ZNF644: variants seen among roughly 807,000 people sequenced by gnomAD.
The protein encoded by ZNF644 is zinc finger motif enhancer binding protein 2.
ZNF644 carries 20 observed loss-of-function variants against 108.0 expected under a neutral mutation model. The ratio of observed to expected loss-of-function variants is 0.19; its 90% CI spans 0.13 to 0.27. The LOEUF (loss-of-function observed/expected upper bound fraction) is 0.27, where lower values mean the gene tolerates loss of function less well. Ranked by LOEUF, ZNF644 falls within the 10% of genes least tolerant of loss-of-function variation. The pLI is 1.00. For missense variants in ZNF644, 1,338 were observed against 1,548.9 expected (o/e 0.86, Z 2.29); for synonymous variants, 542 against 539.1 (o/e 1.01, Z -0.08).
intron 4 of ZNF644, among the ~76,000 whole-genome samples, chr1:90,924,646 T>C (rs1192444610): frequency 2.0e-5 from 3 of 152,180 alleles, no homozygotes; most frequent in African/African-American, 7.2e-5. Context: ...CACAAATCCA[T>C]GGTCGCAATG....
chr1:90,952,945 A>G (rs1653332640), intron 2 of ZNF644, among the ~76,000 whole-genome samples: 1 of 151,626 alleles, frequency 6.6e-6, no homozygotes, highest in Non-Finnish European at 1.5e-5. Context: ...AAAGACAATG[A>G]GAAAAAAAAT....
chr1:90,975,500 C>T (rs184125515), intron 2 of ZNF644, among the ~76,000 whole-genome samples: 1,868 of 150,428 alleles, frequency 0.012, 37 homozygotes, highest in African/African-American at 0.043. Flanking sequence ...CGCAATGGCG[C>T]GATCTCGGCT....
chr1:90,982,671 C>T (rs796417558), intron 1 of ZNF644, among the ~76,000 whole-genome samples: 13 of 151,868 alleles, frequency 8.6e-5, no homozygotes, highest in African/African-American at 3.1e-4. Flanking sequence ...AATAGTATGG[C>T]AATGGCAATA....
chr1:90,975,531 G>A (rs1269705511), intron 2 of ZNF644, among the ~76,000 whole-genome samples: 1 of 150,092 alleles, frequency 6.7e-6, no homozygotes, highest in Non-Finnish European at 1.5e-5. Flanking sequence ...TCTGCCTCCT[G>A]GGTTCAAGTG....
intron 2 of ZNF644, among the ~76,000 whole-genome samples, chr1:90,958,828 C>A (rs1193359539): frequency 6.6e-6 from 1 of 152,090 alleles, no homozygotes; most frequent in East Asian, 1.9e-4. Flanking sequence ...TCAAAATGGA[C>A]CAACAATCTG....
Position 90,940,688 on chromosome 1 carries a change from T to C in ZNF644, c.666A>G (p.Val222=), listed in dbSNP as rs759291154. The C allele has an allele frequency of 1.2e-6, 2 of 1,614,006 alleles. No individual in the cohort carries two copies. The highest frequency in any genetic ancestry group is 1.7e-6 in the Non-Finnish European group (2 of 1,180,000). Reference sequence around the variant, plus strand: ...AATCTTCACCATCCTCACCCACCTCTACTTGATTTATTAAAGTGCCATCTG... The same window carrying C: ...AATCTTCACCATCCTCACCCACCTCCACTTGATTTATTAAAGTGCCATCTG... The part of the protein sequence containing the change: ...IKSDGTLINQ[V]EVGEDGEDLL... The change falls in exon 3 of 6, where the codon GTA becomes GTG. Residue 222 remains valine, a synonymous_variant. Transcript: ENST00000337393.
rs12117237 is a variant in ZNF644 at position 90,939,235 on chromosome 1, T to C, written c.2119A>G (p.Lys707Glu). The C allele has an allele frequency of 4.1e-3, 6,649 of 1,614,010 alleles. 21 individuals are homozygous for C. Among genetic ancestry groups the C allele is most frequent in the Non-Finnish European group, 4.6e-3 (5,418 of 1,179,926 alleles). The part of the protein sequence containing the change: ...NMCNQNSSPH[K>E]NVTIKSSVDQ... ...ACGCTGCTTTTAATTGTAACATTCT[T>C]ATGAGGAGAGCTGTTTTGATTGCAC... Residue 707 changes from lysine to glutamate, a missense_variant, in exon 3 of 6, where the codon AAG (lysine) becomes GAG (glutamate). Physicochemically the swap from Lys to Glu is moderately conservative, Grantham distance 56 (BLOSUM62 1). Around this residue, in one of 6 missense-constraint regions of ZNF644, gnomAD observed 462 missense variants for 472.6 expected, o/e 0.98. Coordinates refer to ENST00000337393, the MANE Select transcript of ZNF644 (RefSeq NM_201269.3).
intron 1 of ZNF644, among the ~76,000 whole-genome samples, chr1:91,017,087 C>T (rs1660496118): frequency 6.6e-6 from 1 of 152,198 alleles, no homozygotes; most frequent in Non-Finnish European, 1.5e-5. Flanking sequence ...CCCACCTTGG[C>T]CTCCCAAAGT....
intron 1 of ZNF644, among the ~76,000 whole-genome samples, chr1:90,984,299 T>C (rs1449949876): frequency 3.3e-5 from 5 of 152,222 alleles, no homozygotes; most frequent in African/African-American, 4.8e-5. Context: ...ACGAACTGCA[T>C]TGGTCTGCTA....
intron 2 of ZNF644, among the ~76,000 whole-genome samples, chr1:90,949,083 GA>G (rs1352277310): frequency 1.3e-5 from 2 of 151,896 alleles, no homozygotes; most frequent in African/African-American, 4.8e-5. Context: ...TTGAAGGAAG[GA>G]TTTAAATCGT....
At chr1:90,917,484 A>G (rs1054016996) in intron 5 of ZNF644, among the ~76,000 whole-genome samples, 18 of 152,102 alleles carry the variant, frequency 1.2e-4, no homozygotes, top group African/African-American at 3.9e-4. Context: ...CCAAATAAAC[A>G]CAAGGAAAGC....
intron 4 of ZNF644, among the ~76,000 whole-genome samples, chr1:90,925,823 T>C (rs181151297): frequency 2.2e-4 from 33 of 152,240 alleles, no homozygotes; most frequent in African/African-American, 7.5e-4. Context: ...ACAAACTTAC[T>C]GATTCAACAA....
At chr1:91,000,919 A>T (rs941180476) in intron 1 of ZNF644, among the ~76,000 whole-genome samples, 3 of 152,228 alleles carry the variant, frequency 2.0e-5, no homozygotes, top group Non-Finnish European at 2.9e-5. Flanking sequence ...CTATGCAAAC[A>T]AACTAGAAAA....
chr1:90,995,432 C>T (rs1317542760), intron 1 of ZNF644, among the ~76,000 whole-genome samples: 3 of 151,950 alleles, frequency 2.0e-5, no homozygotes, highest in African/African-American at 7.3e-5. Context: ...ATATGTAAGT[C>T]CCAAAAAGAA....
At chr1:90,971,921 T>C (rs1655523460) in intron 2 of ZNF644, among the ~76,000 whole-genome samples, 1 of 152,154 alleles carries the variant, frequency 6.6e-6, no homozygotes, top group East Asian at 1.9e-4. Flanking sequence ...ATTCTTATAT[T>C]CTTATATTAT....
rs1651545458 is a variant in ZNF644, at chr1:90,938,148, A to C, written c.3083-58T>G. ...TTTCTTATATAAACTGACCACCCTAAAATGAGTTAATTCTGAAACATAAAA... is the reference window on the plus strand; with the variant it reads ...TTTCTTATATAAACTGACCACCCTACAATGAGTTAATTCTGAAACATAAAA... On this transcript the variant is annotated intron_variant, in intron 3 of 5. Transcript: ENST00000337393. The surrounding 1 kb of genome is among the most constrained non-coding windows in gnomAD (Gnocchi z 4.2). The C allele has an allele frequency of 3.1e-6, 5 of 1,606,508 alleles. No homozygotes were observed. Among genetic ancestry groups the C allele is most frequent in the Non-Finnish European group, 4.3e-6 (5 of 1,175,640 alleles).
In ZNF644 at chr1:90,939,871, G is replaced by T; in HGVS notation, c.1483C>A (p.Arg495=). The change falls in exon 3 of 6, where the codon CGA becomes AGA. Residue 495 remains arginine, a synonymous_variant. Transcript: ENST00000337393. ...AACACACACTGAGGACACTGTAATC[G>T]TGCACTTCTTCCTTCATCCTGAAGT... ...KELQDEGRSA[R]LQCPQCVFGT... 1 of 1,613,976 alleles carries T rather than the reference G, an allele frequency of 6.2e-7. No individual in the cohort carries two copies. The highest frequency in any genetic ancestry group is 8.5e-7 in the Non-Finnish European group (1 of 1,179,938).
chr1:90,996,161 C>A (rs1056322442), intron 1 of ZNF644, among the ~76,000 whole-genome samples: 2 of 152,132 alleles, frequency 1.3e-5, no homozygotes, highest in Non-Finnish European at 1.5e-5. Flanking sequence ...ACCCTACATA[C>A]CCTCTAGAAT....
chr1:90,955,225 G>T (rs957035938), intron 2 of ZNF644, among the ~76,000 whole-genome samples: 10 of 152,316 alleles, frequency 6.6e-5, no homozygotes, highest in Admixed American at 6.5e-4. Context: ...AGGCTTTGCT[G>T]ATTCATTTAT....
Sources: allele counts gnomAD v4.1 joint callset (sites outside exome capture counted in the v4.1 genomes callset), GRCh38; gene constraint gnomAD v4.1.1; regional missense constraint gnomAD v4.1.1; non-coding constraint Gnocchi (gnomAD v3.1); transcripts MANE v1.5; gene names NCBI Gene and HGNC (gene_info 2026-07-23, HGNC 2026-07-21).